Variants in MYO7B observed in about 807,000 individuals in gnomAD.
MYO7B encodes myosin VIIB.
MYO7B carries 212 observed loss-of-function variants against 259.7 expected under a neutral mutation model. That is an observed-to-expected ratio of 0.82 (90% CI 0.73 to 0.91). MYO7B has a LOEUF of 0.91. Ranked by LOEUF, MYO7B falls within the 40% of genes least tolerant of loss-of-function variation. The pLI is 0.00. For missense variants in MYO7B, 2,732 were observed against 2,813.5 expected, an observed-to-expected ratio of 0.97 and a Z score of 0.66; for synonymous variants, 1,197 against 1,166.4, an observed-to-expected ratio of 1.03 and a Z score of -0.54.
chr2:127,559,626 C>G lies in MYO7B; in HGVS notation c.-23-74C>G. On this transcript the variant is annotated intron_variant, in intron 1 of 47. Coordinates refer to ENST00000409816, the MANE Select transcript of MYO7B (RefSeq NM_001393586.1). The surrounding 1 kb of genome is among the most constrained non-coding windows in gnomAD (Gnocchi z 4.1). ...CTTAGGGAAGTGTTGGTGAACAAGC[C>G]CAGCTCCTGTGCTCCAGGGGCTCCT... 7.0e-7 allele frequency: 1 copy of G among 1,424,226 alleles called. No individual in the cohort carries two copies. The highest frequency in any genetic ancestry group is 1.7e-5 in the Admixed American group (1 of 59,256). The allele number at this position is 1,424,226 out of a possible 1,614,324, so 88.2% of individuals were successfully genotyped here.
At position 127,611,467 on chromosome 2, in the gene MYO7B, C is replaced by T. The variant is rs937516568; in HGVS notation, c.3193-783C>T. On this transcript the variant is annotated intron_variant, in intron 24 of 47. Transcript: ENST00000409816. The surrounding 1 kb of genome is among the most constrained non-coding windows in gnomAD (Gnocchi z 5.4). The stretch of plus-strand genomic sequence containing the variant: ...GAGGTCAGATCTCAGGTTTTCTGTC[C>T]TGCATGTGTTTATTAAATATCCATG... Among the ~76,000 whole-genome samples, 4 of 152,194 alleles carry T rather than the reference C, an allele frequency of 2.6e-5. No homozygotes were observed. The highest frequency in any genetic ancestry group is 9.6e-5 in the African/African-American group (4 of 41,456).
chr2:127,555,246 C>T (rs995550595), intron 1 of MYO7B, among the ~76,000 whole-genome samples: 8 of 152,130 alleles, frequency 5.3e-5, no homozygotes, highest in Non-Finnish European at 2.9e-5. Flanking sequence ...CGTGCCTGGC[C>T]GTCTAACTGA....
chr2:127,558,458 A>G (rs1303392844), intron 1 of MYO7B, among the ~76,000 whole-genome samples: 1 of 152,238 alleles, frequency 6.6e-6, no homozygotes, highest in African/African-American at 2.4e-5. Context: ...AAGAACTAAA[A>G]GTAGAACTTC....
At chr2:127,593,415 TG>T in intron 17 of MYO7B, 130 bp from the exon 18 acceptor site, 1 of 836,466 alleles carries the variant, frequency 1.2e-6, no homozygotes, top group Non-Finnish European at 1.9e-6. Context: ...GTTGTGCCTG[TG>T]CCTGGGCGGG....
At chr2:127,536,143 C>T (rs1692765916) in intron 1 of MYO7B, among the ~76,000 whole-genome samples, 1 of 152,178 alleles carries the variant, frequency 6.6e-6, no homozygotes, top group African/African-American at 2.4e-5. Flanking sequence ...CACCCTGAAG[C>T]CTCCTCACAG....
rs1693221553 is a variant in MYO7B, at chr2:127,546,188, G to A, written c.-24+10357G>A. ...CTTTGGAGGGCAAAGCTTTGTCAGTGCCCCTTCCGGGCTGGTATCCCATAG... is the reference window on the plus strand; with the variant it reads ...CTTTGGAGGGCAAAGCTTTGTCAGTACCCCTTCCGGGCTGGTATCCCATAG... On this transcript the variant is annotated intron_variant, in intron 1 of 47. Coordinates refer to ENST00000409816, the MANE Select transcript of MYO7B (RefSeq NM_001393586.1). This position sits in a 1 kb window ranked among gnomAD's most constrained non-coding sequence, Gnocchi z 4.2. Among the ~76,000 whole-genome samples the A allele has an allele frequency of 6.6e-6, 1 of 152,232 alleles. No individual in the cohort carries two copies. The highest frequency in any genetic ancestry group is 1.5e-5 in the Non-Finnish European group (1 of 68,032).
chr2:127,625,656 A>G, intron 31 of MYO7B, 121 bp downstream of exon 31: 1 of 1,152,696 alleles, frequency 8.7e-7, no homozygotes, highest in Non-Finnish European at 1.2e-6. Flanking sequence ...GGGAACAACA[A>G]GCCTCAGCTT....
Position 127,609,972 on chromosome 2 carries a change from AG to A in MYO7B, c.3151del (p.Glu1051SerfsTer29). ...GCGGCAGATCCATGACACGCTGGGCAGGGAGCACGGTGCCCAGGTTCCACAG... is the reference window on the plus strand; with the variant it reads ...GCGGCAGATCCATGACACGCTGGGCAGGAGCACGGTGCCCAGGTTCCACAG... ...VMRQIHDTLG[R>X]EHGAQVPQHS... On this transcript the variant is annotated frameshift_variant, in exon 24 of 48. Transcript: ENST00000409816. LOFTEE classifies it high-confidence loss of function. The surrounding 1 kb of genome is among the most constrained non-coding windows in gnomAD (Gnocchi z 6.9). The A allele has an allele frequency of 6.2e-7, 1 of 1,608,172 alleles. No individual in the cohort carries two copies. Among genetic ancestry groups the A allele is most frequent in the Non-Finnish European group, 8.5e-7 (1 of 1,177,376 alleles).
At chr2:127,588,606 C>T (rs563954499) in intron 15 of MYO7B, 51 bp downstream of exon 15, 1 of 1,599,174 alleles carries the variant, frequency 6.3e-7, no homozygotes. Flanking sequence ...GGCTACAGGG[C>T]CAGACAGACA....
Position 127,582,544 on chromosome 2 carries a change from C to T in MYO7B, c.1343+98C>T, listed in dbSNP as rs1397552644. On this transcript the variant is annotated intron_variant, in intron 12 of 47. Coordinates refer to ENST00000409816, the MANE Select transcript of MYO7B (RefSeq NM_001393586.1). ...AAGTTGGAGGGGAGCCGTCACCCTG[C>T]ACCCAGGCCTGGCGAGTCCCACCAG... is the stretch of plus-strand genomic sequence containing the variant. The T allele has an allele frequency of 2.8e-6, 4 of 1,428,208 alleles. No homozygotes were observed. The African/African-American group carries it at 5.7e-5, about 20-fold the overall frequency. 88.5% of individuals were successfully genotyped at this position (1,428,208 alleles called of 1,614,324 possible).
intron 22 of MYO7B, 30 bp downstream of exon 22, chr2:127,608,908 C>A: frequency 6.3e-7 from 1 of 1,596,344 alleles, no homozygotes; most frequent in Non-Finnish European, 8.5e-7. Context: ...CACAATCCGC[C>A]CCGGGTGGGG....
rs527736702 is a variant in MYO7B at position 127,595,540 on chromosome 2, A to C, written c.2245-922A>C. Among the ~76,000 whole-genome samples the C allele has an allele frequency of 4.8e-4, 73 of 152,138 alleles. No homozygotes were observed. In the South Asian group the frequency reaches 0.013, roughly 28 times the overall value. On this transcript the variant is annotated intron_variant, in intron 18 of 47. Transcript: ENST00000409816. ...GAAGTTTGTTTGCTCTTGATTCTCT[A>C]GTTATTTTAGTTGTGATGTCAGGGC... is the stretch of plus-strand genomic sequence containing the variant.
chr2:127,556,170 A>G (rs919707490), intron 1 of MYO7B, among the ~76,000 whole-genome samples: 1 of 152,152 alleles, frequency 6.6e-6, no homozygotes, highest in Admixed American at 6.5e-5. Context: ...GTCTTCTTTA[A>G]CTGCTGTTGC....
chr2:127,592,845 G>A lies in MYO7B; in HGVS notation c.2044G>A (p.Glu682Lys). The A allele has an allele frequency of 1.9e-6, 3 of 1,610,702 alleles. No homozygotes were observed. The highest frequency in any genetic ancestry group is 1.1e-5 in the South Asian group (1 of 90,538). ...GCAGCTGCGATACTCGGGCATGATG[G>A]AGACCGTGCACATCCGCAAGTCGGG... ...LRQLRYSGMM[E>K]TVHIRKSGFP... The change falls in exon 17 of 48, where the codon GAG becomes AAG. Residue 682 changes from glutamate to lysine, a missense_variant. Around this residue, in one of 3 missense-constraint regions of MYO7B, gnomAD observed 1,906 missense variants for 2,026.4 expected, o/e 0.94. Coordinates refer to ENST00000409816, the MANE Select transcript of MYO7B (RefSeq NM_001393586.1).
Position 127,590,038 on chromosome 2 carries a change from T to C in MYO7B, c.1855-54T>C, listed in dbSNP as rs2104966934. Reference sequence around the variant, plus strand: ...ACCCTTGCTGGCCTACAGGGTCAGCTGTCCCAGGACATGGCTCCTGAGACC... The same window carrying C: ...ACCCTTGCTGGCCTACAGGGTCAGCCGTCCCAGGACATGGCTCCTGAGACC... On this transcript the variant is annotated intron_variant, in intron 15 of 47. Transcript: ENST00000409816. The surrounding 1 kb of genome is among the most constrained non-coding windows in gnomAD (Gnocchi z 4.6). 11 of 1,543,706 alleles carry C rather than the reference T, an allele frequency of 7.1e-6. No homozygotes were observed. In the South Asian group the frequency reaches 1.3e-4, roughly 18 times the overall value.
In MYO7B at chr2:127,572,999, T is replaced by A. The variant is rs549497831; in HGVS notation, c.593-921T>A. Reference sequence around the variant, plus strand: ...AGAGACACCCAACCAGTCGCCCCCATGATGGCCACACTGGGTTCAATAAGT... The same window carrying A: ...AGAGACACCCAACCAGTCGCCCCCAAGATGGCCACACTGGGTTCAATAAGT... On this transcript the variant is annotated intron_variant, in intron 6 of 47. Coordinates refer to ENST00000409816, the MANE Select transcript of MYO7B (RefSeq NM_001393586.1). Among the ~76,000 whole-genome samples, 9 of 151,734 alleles carry A rather than the reference T, an allele frequency of 5.9e-5. No homozygotes were observed. In the South Asian group the frequency reaches 1.7e-3, roughly 28 times the overall value.
At chr2:127,553,917 A>G (rs1314440484) in intron 1 of MYO7B, among the ~76,000 whole-genome samples, 1 of 152,178 alleles carries the variant, frequency 6.6e-6, no homozygotes, top group Non-Finnish European at 1.5e-5. Flanking sequence ...CTTTTATTGC[A>G]CTGAGGTATG....
Position 127,592,858 on chromosome 2 carries a change from T to C in MYO7B, c.2057T>C (p.Ile686Thr). The change falls in exon 17 of 48, where the codon ATC (isoleucine) becomes ACC (threonine). Residue 686 changes from isoleucine to threonine, a missense_variant. Coordinates refer to ENST00000409816, the MANE Select transcript of MYO7B (RefSeq NM_001393586.1). ...TCGGGCATGATGGAGACCGTGCACA[T>C]CCGCAAGTCGGGCTTCCCCATCCGC... ...RYSGMMETVH[I>T]RKSGFPIRYT... 6.2e-7 allele frequency: 1 copy of C among 1,610,370 alleles called. No individual in the cohort carries two copies. Among genetic ancestry groups the C allele is most frequent in the Non-Finnish European group, 8.5e-7 (1 of 1,178,930 alleles).
intron 30 of MYO7B, 24 bp downstream of exon 30, chr2:127,624,344 C>T (rs1417743547): frequency 6.5e-7 from 1 of 1,545,020 alleles, no homozygotes. Context: ...GAGCCAGGTC[C>T]ACCCTAGGCT....
Sources: allele counts gnomAD v4.1 joint callset (sites outside exome capture counted in the v4.1 genomes callset), GRCh38; gene constraint gnomAD v4.1.1; regional missense constraint gnomAD v4.1.1; non-coding constraint Gnocchi (gnomAD v3.1); transcripts MANE v1.5; gene names NCBI Gene and HGNC (gene_info 2026-07-23, HGNC 2026-07-21).